TRAPPC9: variants seen among roughly 807,000 people sequenced by gnomAD.
TRAPPC9 encodes the protein trafficking protein particle complex subunit 9.
Under a neutral mutation model 124.0 loss-of-function variants are expected in TRAPPC9, and 83 were observed. The observed-to-expected ratio is 0.67, with a 90% CI of 0.56 to 0.80. The LOEUF (loss-of-function observed/expected upper bound fraction) is 0.80. Ranked by LOEUF, TRAPPC9 falls within the 30% of genes least tolerant of loss-of-function variation. The pLI is 0.00. For missense variants in TRAPPC9, 1,302 were observed against 1,508.3 expected (o/e 0.86, Z 2.27); for synonymous variants, 638 against 617.5 (o/e 1.03, Z -0.49).
intron 9 of TRAPPC9, among the ~76,000 whole-genome samples, chr8:140,312,171 A>C (rs2066315073): frequency 6.6e-6 from 1 of 152,234 alleles, no homozygotes; most frequent in Non-Finnish European, 1.5e-5. Context: ...GAGTGTTTTA[A>C]AGAATTAAGG....
At chr8:140,301,719 G>A (rs2065984187) in intron 10 of TRAPPC9, among the ~76,000 whole-genome samples, 1 of 152,216 alleles carries the variant, frequency 6.6e-6, no homozygotes, top group Non-Finnish European at 1.5e-5. Flanking sequence ...AGGAAGGTGA[G>A]GCCACCTGAG....
chr8:140,277,434 C>G (rs961302772), intron 14 of TRAPPC9, among the ~76,000 whole-genome samples: 1 of 152,240 alleles, frequency 6.6e-6, no homozygotes, highest in Non-Finnish European at 1.5e-5. Flanking sequence ...CAGCAGGCAG[C>G]CTTTCTCAAG....
rs1202517364 is a variant in TRAPPC9, at chr8:140,170,036, C to T, written c.2556+51423G>A. On this transcript the variant is annotated intron_variant, in intron 17 of 22. Coordinates refer to ENST00000438773, the MANE Select transcript of TRAPPC9 (RefSeq NM_001160372.4). Reference sequence around the variant, plus strand: ...TACAGGTGTGAGCCACTGTGCCCTGCTATATATGAGTCTTTTACATGACTT... The same window carrying T: ...TACAGGTGTGAGCCACTGTGCCCTGTTATATATGAGTCTTTTACATGACTT... 2.6e-5 allele frequency among the ~76,000 whole-genome samples: 4 copies of T among 152,138 alleles called. No individual in the cohort carries two copies. In the South Asian group the frequency reaches 6.2e-4, roughly 24 times the overall value.
chr8:139,762,625 C>T (rs1046515059), intron 21 of TRAPPC9, among the ~76,000 whole-genome samples: 1 of 152,226 alleles, frequency 6.6e-6, no homozygotes, highest in Non-Finnish European at 1.5e-5. Context: ...TATAATCTCA[C>T]GGGATCACCG....
intron 21 of TRAPPC9, among the ~76,000 whole-genome samples, chr8:139,773,239 C>G (rs1242527853): frequency 1.3e-5 from 2 of 152,232 alleles, no homozygotes; most frequent in Non-Finnish European, 2.9e-5. Flanking sequence ...TGTCCCTCCT[C>G]GTGCCGATGG....
chr8:139,752,420 T>C (rs1469667120), intron 21 of TRAPPC9, among the ~76,000 whole-genome samples: 1 of 148,290 alleles, frequency 6.7e-6, no homozygotes, highest in African/African-American at 2.5e-5. Flanking sequence ...CGTCCATCCA[T>C]CCATCCATCT....
intron 17 of TRAPPC9, among the ~76,000 whole-genome samples, chr8:140,190,284 T>C (rs754518033): frequency 1.6e-4 from 25 of 152,002 alleles, no homozygotes; most frequent in Non-Finnish European, 2.6e-4. Flanking sequence ...GGTGAAACCC[T>C]GTCTCTACTA....
rs116202760 is a variant in TRAPPC9 at position 139,864,512 on chromosome 8, T to C, written c.3055+21367A>G. ...GGAATACATCTGGGACACTGTGACA[T>C]AGGCCTCGTCCTGTGGATGGCACCA... On this transcript the variant is annotated intron_variant, in intron 21 of 22. Transcript: ENST00000438773. Among the ~76,000 whole-genome samples the C allele has an allele frequency of 1.3e-3, 196 of 152,354 alleles. 3 individuals carry two copies. Among genetic ancestry groups the C allele is most frequent in the African/African-American group, 4.4e-3 (181 of 41,588 alleles).
chr8:140,205,143 T>C (rs2062891390), intron 17 of TRAPPC9, among the ~76,000 whole-genome samples: 1 of 152,254 alleles, frequency 6.6e-6, no homozygotes, highest in Non-Finnish European at 1.5e-5. Context: ...TCCTTTACAA[T>C]GATTCTAATG....
intron 17 of TRAPPC9, among the ~76,000 whole-genome samples, chr8:140,086,358 G>A (rs7010626): frequency 0.058 from 8,898 of 152,220 alleles, 409 homozygotes; most frequent in African/African-American, 0.11. Context: ...AATGGAAGGG[G>A]AGCAGGTGAG....
chr8:140,075,084 A>C (rs563260360), intron 17 of TRAPPC9, among the ~76,000 whole-genome samples: 2 of 152,238 alleles, frequency 1.3e-5, no homozygotes, highest in South Asian at 4.1e-4. Context: ...AAAAGGAGGC[A>C]ATGTGTGCCC....
chr8:139,730,798 T>G lies in TRAPPC9; in HGVS notation c.*263A>C. The G allele has an allele frequency of 1.9e-6, 1 of 513,390 alleles. No individual in the cohort carries two copies. 31.8% of individuals were successfully genotyped at this position (513,390 alleles called of 1,614,324 possible). ...ACCTGGGCTGGATGGGCACCCGCTT[T>G]GGGATTTCCTCTGCTTCAGCCTGTG... On this transcript the variant is annotated 3_prime_UTR_variant, in exon 23 of 23. Transcript: ENST00000438773.
chr8:140,198,395 G>C (rs1365155280), intron 17 of TRAPPC9, among the ~76,000 whole-genome samples: 1 of 152,060 alleles, frequency 6.6e-6, no homozygotes, highest in African/African-American at 2.4e-5. Context: ...ATCACTGCTT[G>C]AGGTATTTTG....
chr8:140,304,861 C>G (rs2066080506), intron 10 of TRAPPC9, among the ~76,000 whole-genome samples: 1 of 152,204 alleles, frequency 6.6e-6, no homozygotes, highest in Admixed American at 6.5e-5. Flanking sequence ...GCAAGTCAGT[C>G]AACAGCAGGC....
chr8:140,254,951 C>T (rs1364436050), intron 15 of TRAPPC9, among the ~76,000 whole-genome samples: 8 of 152,296 alleles, frequency 5.3e-5, no homozygotes, highest in Middle Eastern at 6.8e-3. Context: ...GAGAGCTTGA[C>T]CAAAATCCCC....
chr8:140,414,290 T>C (rs2069821562), intron 5 of TRAPPC9, among the ~76,000 whole-genome samples: 1 of 151,976 alleles, frequency 6.6e-6, no homozygotes, highest in African/African-American at 2.4e-5. Context: ...TCCCAGCACT[T>C]TGGGAGGCTA....
At chr8:140,050,627 C>T (rs1841928289) in intron 17 of TRAPPC9, among the ~76,000 whole-genome samples, 1 of 152,196 alleles carries the variant, frequency 6.6e-6, no homozygotes, top group Non-Finnish European at 1.5e-5. Flanking sequence ...GACACCCTTC[C>T]TCATCCCCAG....
intron 9 of TRAPPC9, among the ~76,000 whole-genome samples, chr8:140,342,471 C>A (rs1051392950): frequency 1.3e-5 from 2 of 152,162 alleles, no homozygotes; most frequent in Non-Finnish European, 2.9e-5. Flanking sequence ...CTTCAACATA[C>A]AACTAAAAGT....
chr8:140,169,237 G>A (rs994305582), intron 17 of TRAPPC9, among the ~76,000 whole-genome samples: 5 of 152,160 alleles, frequency 3.3e-5, no homozygotes, highest in Non-Finnish European at 7.3e-5. Flanking sequence ...CCACAGTGAA[G>A]CACCACTTCA....
Sources: allele counts gnomAD v4.1 joint callset (sites outside exome capture counted in the v4.1 genomes callset), GRCh38; gene constraint gnomAD v4.1.1; transcripts MANE v1.5; gene names NCBI Gene and HGNC (gene_info 2026-07-23, HGNC 2026-07-21).